The following MAPK1IP1L variants were observed in gnomAD, a reference collection of about 807,000 sequenced individuals.
MAPK1IP1L encodes MAPK-interacting and spindle-stabilizing protein-like.
In MAPK1IP1L, 10 loss-of-function variants were observed where a neutral mutation model predicts 18.1. That is an observed-to-expected ratio of 0.55 (90% CI 0.34 to 0.94). The LOEUF (loss-of-function observed/expected upper bound fraction) is 0.94. Ranked by LOEUF, MAPK1IP1L falls within the 40% of genes least tolerant of loss-of-function variation. The pLI is 0.02. For synonymous variants in MAPK1IP1L, 115 were observed against 117.3 expected (o/e 0.98, Z 0.13); for missense variants, 260 against 318.2 (o/e 0.82, Z 1.39).
chr14:55,063,441 G>A, intron 3 of MAPK1IP1L, 116 bp downstream of exon 3: 1 of 850,392 alleles, frequency 1.2e-6, no homozygotes, highest in Non-Finnish European at 1.8e-6. Context: ...AAAAGAGGGT[G>A]TGTGTATATT....
At chr14:55,060,018 CT>C (rs2042803710) in intron 1 of MAPK1IP1L, among the ~76,000 whole-genome samples, 1 of 151,982 alleles carries the variant, frequency 6.6e-6, no homozygotes, top group African/African-American at 2.4e-5. Context: ...TAGGGAAGGC[CT>C]TTGTAAATAT....
At chr14:55,056,024 G>GA (rs1242463255) in intron 1 of MAPK1IP1L, among the ~76,000 whole-genome samples, 14 of 152,250 alleles carry the variant, frequency 9.2e-5, no homozygotes, top group African/African-American at 3.1e-4. Context: ...GATAAGGGGG[G>GA]ATCACCCTAA....
rs1163465884 is a variant in MAPK1IP1L at position 55,068,910 on chromosome 14, A to C, written c.*4283A>C. 1 of 152,184 alleles carries C rather than the reference A, an allele frequency of 6.6e-6. No homozygotes were observed. The highest frequency in any genetic ancestry group is 1.5e-5 in the Non-Finnish European group (1 of 68,022). 9.4% of individuals were successfully genotyped at this position (152,184 alleles called of 1,614,324 possible). A position where few individuals can be genotyped will look rare whatever the true frequency, so the allele number is the denominator to read the frequency against. ...AAGTAACATTACAGAATTTGTTAGC[A>C]TACCCATTCATTATTAGTTTTACCT... is the stretch of plus-strand genomic sequence containing the variant. On this transcript the variant is annotated 3_prime_UTR_variant, in exon 4 of 4. Coordinates refer to ENST00000395468, the MANE Select transcript of MAPK1IP1L (RefSeq NM_144578.4).
intron 1 of MAPK1IP1L, among the ~76,000 whole-genome samples, chr14:55,056,588 C>A (rs534341465): frequency 2.6e-5 from 4 of 152,308 alleles, no homozygotes; most frequent in Admixed American, 6.5e-5. Flanking sequence ...CAGCTCACTG[C>A]AAGCTCCGCC....
chr14:55,051,687 T>TGCTGTTGCC lies in MAPK1IP1L; in HGVS notation c.-118_-110dup, dbSNP rs1238984032. ...GCCAGGAGGAGCCGCGCGCTGCTGG[T>TGCTGTTGCC]GCTGTTGCCGCCGCTGCTCTAGCTG... On this transcript the variant is annotated 5_prime_UTR_variant, in exon 1 of 4. Coordinates refer to ENST00000395468, the MANE Select transcript of MAPK1IP1L (RefSeq NM_144578.4). 1.9e-6 allele frequency: 1 copy of TGCTGTTGCC among 515,950 alleles called. No homozygotes were observed. Among genetic ancestry groups the TGCTGTTGCC allele is most frequent in the African/African-American group, 1.9e-5 (1 of 51,588 alleles). The allele number at this position is 515,950 out of a possible 1,614,324, so 32.0% of individuals were successfully genotyped here. A position where few individuals can be genotyped will look rare whatever the true frequency, so the allele number is the denominator to read the frequency against.
At chr14:55,057,487 A>G (rs926640031) in intron 1 of MAPK1IP1L, among the ~76,000 whole-genome samples, 8 of 152,210 alleles carry the variant, frequency 5.3e-5, no homozygotes, top group Non-Finnish European at 1.2e-4. Flanking sequence ...AGCTGGGCGC[A>G]GTGGCTCACG....
intron 2 of MAPK1IP1L, among the ~76,000 whole-genome samples, 181 bp from the exon 3 acceptor site, chr14:55,062,436 CA>C (rs1187791858): frequency 6.6e-6 from 1 of 152,120 alleles, no homozygotes; most frequent in East Asian, 1.9e-4. Flanking sequence ...AGTTGATACG[CA>C]AAGTAGCATC....
chr14:55,057,347 A>G (rs764738456), intron 1 of MAPK1IP1L, among the ~76,000 whole-genome samples: 17 of 152,258 alleles, frequency 1.1e-4, no homozygotes, highest in Non-Finnish European at 2.4e-4. Flanking sequence ...TAATTCAGTA[A>G]TGATGCTTCC....
At chr14:55,064,482 G>T in intron 3 of MAPK1IP1L, 134 bp from the exon 4 acceptor site, 1 of 692,114 alleles carries the variant, frequency 1.4e-6, no homozygotes, top group South Asian at 1.9e-5. Flanking sequence ...GTTTTGCAAA[G>T]TGTATGCCAG....
At chr14:55,056,987 G>C (rs1362143954) in intron 1 of MAPK1IP1L, among the ~76,000 whole-genome samples, 1 of 152,176 alleles carries the variant, frequency 6.6e-6, no homozygotes, top group Non-Finnish European at 1.5e-5. Context: ...GAAAAAGCAT[G>C]AGATCAATTC....
In MAPK1IP1L at chr14:55,067,823, A is replaced by G. The variant is rs562217226; in HGVS notation, c.*3196A>G. On this transcript the variant is annotated 3_prime_UTR_variant, in exon 4 of 4. Coordinates refer to ENST00000395468, the MANE Select transcript of MAPK1IP1L (RefSeq NM_144578.4). ...TTTGGTCTTGAGGGGGATACAGATTATAGAATATGCTGACATTTGGGCTTC... is the reference window on the plus strand; with the variant it reads ...TTTGGTCTTGAGGGGGATACAGATTGTAGAATATGCTGACATTTGGGCTTC... 6.6e-6 allele frequency: 1 copy of G among 152,372 alleles called. No homozygotes were observed. Among genetic ancestry groups the G allele is most frequent in the East Asian group, 1.9e-4 (1 of 5,196 alleles). The allele number at this position is 152,372 out of a possible 1,614,324, so 9.4% of individuals were successfully genotyped here.
intron 1 of MAPK1IP1L, among the ~76,000 whole-genome samples, chr14:55,057,816 TC>T (rs1444915265): frequency 6.6e-5 from 10 of 151,790 alleles, no homozygotes; most frequent in Admixed American, 1.3e-4. Flanking sequence ...ATGCCTATGG[TC>T]CCAGCTACTC....
Position 55,063,285 on chromosome 14 carries a change from C to G in MAPK1IP1L, c.686C>G (p.Ser229Ter), listed in dbSNP as rs2042834738. ...CCCAGTAATCCTTTCCAAGTGCCTT[C>G]AGGACCTTCTGGTGCTCCACCAATG... ...PTPSNPFQVP[S>*]GPSGAPPMPG... Residue 229 changes from serine to a stop codon, truncating the protein, a stop_gained, in exon 3 of 4, where the codon TCA (serine) becomes TGA (stop). Transcript: ENST00000395468. LOFTEE classifies it high-confidence loss of function. 6.2e-7 allele frequency: 1 copy of G among 1,613,996 alleles called. No individual in the cohort carries two copies. Among genetic ancestry groups the G allele is most frequent in the Admixed American group, 1.7e-5 (1 of 60,014 alleles).
Position 55,051,706 on chromosome 14 carries a change from C to T in MAPK1IP1L, c.-102C>T. On this transcript the variant is annotated 5_prime_UTR_variant, in exon 1 of 4. Transcript: ENST00000395468. ...TGCTGGTGCTGTTGCCGCCGCTGCT[C>T]TAGCTGCCGTCAGTCAGGCTGCGCC... 1 of 516,416 alleles carries T rather than the reference C, an allele frequency of 1.9e-6. No individual in the cohort carries two copies. Among genetic ancestry groups the T allele is most frequent in the South Asian group, 1.4e-5 (1 of 71,470 alleles). The allele number at this position is 516,416 out of a possible 1,614,324, so 32.0% of individuals were successfully genotyped here.
chr14:55,055,277 T>C (rs1244897961), intron 1 of MAPK1IP1L, among the ~76,000 whole-genome samples: 1 of 152,218 alleles, frequency 6.6e-6, no homozygotes, highest in Non-Finnish European at 1.5e-5. Flanking sequence ...TAGAATAGCT[T>C]TTTAGAAAAC....
chr14:55,061,720 C>G lies in MAPK1IP1L; in HGVS notation c.18+19C>G. Reference sequence around the variant, plus strand: ...ATTTTCGGTAAGTTGATCAGTTTATCTGTGATAAGTTTTTCATCTCTTAAG... The same window carrying G: ...ATTTTCGGTAAGTTGATCAGTTTATGTGTGATAAGTTTTTCATCTCTTAAG... On this transcript the variant is annotated intron_variant, in intron 2 of 3. Transcript: ENST00000395468. 6.4e-7 allele frequency: 1 copy of G among 1,552,954 alleles called. No homozygotes were observed. Among genetic ancestry groups the G allele is most frequent in the Non-Finnish European group, 8.8e-7 (1 of 1,142,290 alleles).
chr14:55,064,472 G>T, intron 3 of MAPK1IP1L, 144 bp from the exon 4 acceptor site: 1 of 594,614 alleles, frequency 1.7e-6, no homozygotes, highest in South Asian at 2.8e-5. Context: ...AAAAATATTT[G>T]TTTTGCAAAG....
intron 1 of MAPK1IP1L, among the ~76,000 whole-genome samples, chr14:55,052,365 A>C (rs1202772837): frequency 6.6e-6 from 1 of 152,200 alleles, no homozygotes; most frequent in Non-Finnish European, 1.5e-5. Context: ...CGTTCTGGTT[A>C]TGACTTACTA....
At chr14:55,058,531 G>A (rs2042788935) in intron 1 of MAPK1IP1L, among the ~76,000 whole-genome samples, 1 of 152,090 alleles carries the variant, frequency 6.6e-6, no homozygotes, top group South Asian at 2.1e-4. Flanking sequence ...TGCATTTGCG[G>A]GTAGAAAATA....
Sources: gnomAD v4.1 joint callset for allele counts (sites outside exome capture counted in the v4.1 genomes callset) on GRCh38, gnomAD v4.1.1 for gene constraint, MANE v1.5 for transcripts, NCBI Gene and HGNC (gene_info 2026-07-23, HGNC 2026-07-21) for gene names.